Variants in SPICE1 observed in about 807,000 individuals in gnomAD.
SPICE1 encodes spindle and centriole associated protein 1, also known as spindle and centriole-associated protein 1.
Under a neutral mutation model 102.7 loss-of-function variants are expected in SPICE1, and 75 were observed. The observed-to-expected ratio is 0.73, with a 90% CI of 0.61 to 0.88. The LOEUF is 0.88. SPICE1 is among the 40% of genes least tolerant of loss of function. The pLI is 0.00. For synonymous variants in SPICE1, 308 were observed against 350.3 expected (o/e 0.88, Z 1.35); for missense variants, 979 against 1,020.1 (o/e 0.96, Z 0.55).
At chr3:113,482,878 G>C (rs1479673681) in intron 7 of SPICE1, among the ~76,000 whole-genome samples, 1 of 152,128 alleles carries the variant, frequency 6.6e-6, no homozygotes, top group Non-Finnish European at 1.5e-5. Context: ...GGATTGTCTT[G>C]GCTATGCAGG....
At chr3:113,457,754 G>C (rs752334056) in intron 12 of SPICE1, among the ~76,000 whole-genome samples, 12 of 152,050 alleles carry the variant, frequency 7.9e-5, no homozygotes, top group Non-Finnish European at 1.5e-4. Context: ...GACCTCCCAG[G>C]CTCCAGTGAT....
chr3:113,497,682 TAGAG>T (rs71134894), intron 4 of SPICE1, among the ~76,000 whole-genome samples: 38 of 136,328 alleles, frequency 2.8e-4, no homozygotes, highest in Non-Finnish European at 3.7e-4. Context: ...CATACATACA[TAGAG>T]AGAGAGAGAG....
intron 2 of SPICE1, among the ~76,000 whole-genome samples, chr3:113,505,175 A>G (rs1279725941): frequency 9.9e-5 from 15 of 152,142 alleles, no homozygotes; most frequent in Non-Finnish European, 1.0e-4. Context: ...GTGGAACCCC[A>G]GGATACAGCC....
chr3:113,483,543 G>T (rs116528634), intron 7 of SPICE1, among the ~76,000 whole-genome samples: 4,426 of 152,154 alleles, frequency 0.029, 114 homozygotes, highest in East Asian at 0.1. Flanking sequence ...ATTATTTTGA[G>T]ATATGTTCCA....
rs77899801 is a variant in SPICE1, at chr3:113,470,212, T to C, written c.612-974A>G. ...CAAAGAGATAAATGGTGGGAAAAACTTTAAGCAAAAGGAACCAGGACTTGA... is the reference window on the plus strand; with the variant it reads ...CAAAGAGATAAATGGTGGGAAAAACCTTAAGCAAAAGGAACCAGGACTTGA... On this transcript the variant is annotated intron_variant, in intron 7 of 17. Coordinates refer to ENST00000295872, the MANE Select transcript of SPICE1 (RefSeq NM_144718.4). 4.5e-3 allele frequency among the ~76,000 whole-genome samples: 688 copies of C among 152,336 alleles called. 3 individuals are homozygous for C. The highest frequency in any genetic ancestry group is 0.016 in the African/African-American group (650 of 41,580).
intron 10 of SPICE1, among the ~76,000 whole-genome samples, chr3:113,466,887 A>G (rs1449745102): frequency 6.6e-6 from 1 of 152,158 alleles, no homozygotes; most frequent in Non-Finnish European, 1.5e-5. Flanking sequence ...TCTCTACAAA[A>G]AAAATACAAA....
At chr3:113,448,663 A>G (rs1413937940) in intron 15 of SPICE1, among the ~76,000 whole-genome samples, 1 of 152,166 alleles carries the variant, frequency 6.6e-6, no homozygotes, top group African/African-American at 2.4e-5. Context: ...AGAAGTAGGT[A>G]ATCAATCAGC....
At chr3:113,477,055 C>T (rs1338232883) in intron 7 of SPICE1, among the ~76,000 whole-genome samples, 6 of 151,710 alleles carry the variant, frequency 4.0e-5, no homozygotes, top group Admixed American at 3.9e-4. Flanking sequence ...GGCTAATATC[C>T]AGAATCTACA....
At chr3:113,483,805 C>T (rs149369314) in intron 7 of SPICE1, among the ~76,000 whole-genome samples, 2 of 152,032 alleles carry the variant, frequency 1.3e-5, no homozygotes, top group African/African-American at 4.8e-5. Flanking sequence ...ATTTTTGCAT[C>T]GATGTTCATC....
intron 7 of SPICE1, among the ~76,000 whole-genome samples, chr3:113,480,579 C>A (rs1936467407): frequency 6.6e-6 from 1 of 151,912 alleles, no homozygotes; most frequent in South Asian, 2.1e-4. Flanking sequence ...ACATAATGTA[C>A]CATATTAAGA....
intron 6 of SPICE1, among the ~76,000 whole-genome samples, chr3:113,491,035 C>T (rs1576642848): frequency 6.6e-6 from 1 of 152,190 alleles, no homozygotes. Flanking sequence ...CTCATCATGA[C>T]TCCACTCTTT....
intron 2 of SPICE1, among the ~76,000 whole-genome samples, chr3:113,506,084 T>G (rs188718165): frequency 2.3e-4 from 35 of 152,242 alleles, no homozygotes; most frequent in Admixed American, 2.6e-4. Flanking sequence ...GTCACCTATT[T>G]TTTTCAGCCA....
intron 7 of SPICE1, among the ~76,000 whole-genome samples, chr3:113,486,667 A>G (rs187269017): frequency 6.6e-6 from 1 of 151,960 alleles, no homozygotes; most frequent in East Asian, 1.9e-4. Context: ...AAGTGGTAAA[A>G]GCAAATATAA....
chr3:113,498,813 T>A, intron 4 of SPICE1: 1 of 152,158 alleles, frequency 6.6e-6, no homozygotes, highest in East Asian at 1.9e-4. Flanking sequence ...TTTAAAAAGG[T>A]TATTTGCTGT....
chr3:113,486,093 A>T (rs1220343308), intron 7 of SPICE1, among the ~76,000 whole-genome samples: 1 of 151,944 alleles, frequency 6.6e-6, no homozygotes, highest in African/African-American at 2.4e-5. Context: ...CCTGGGCAAC[A>T]GAATGAGACT....
chr3:113,454,360 A>G (rs1935731300), intron 13 of SPICE1, among the ~76,000 whole-genome samples: 2 of 152,218 alleles, frequency 1.3e-5, no homozygotes, highest in African/African-American at 4.8e-5. Flanking sequence ...AGGACATTAC[A>G]GGCAGAAAAT....
intron 16 of SPICE1, 118 bp downstream of exon 16, chr3:113,447,920 G>A: frequency 1.2e-6 from 1 of 802,840 alleles, no homozygotes; most frequent in Non-Finnish European, 1.8e-6. Flanking sequence ...CTCTTTGCAT[G>A]AGTCTGTCTC....
rs1184391831 is a variant in SPICE1, at chr3:113,446,687, AAAAT to A, written c.2427-15_2427-12del. On this transcript the variant is annotated splice_polypyrimidine_tract_variant and intron_variant, in intron 16 of 17. Coordinates refer to ENST00000295872, the MANE Select transcript of SPICE1 (RefSeq NM_144718.4). Reference sequence around the variant, plus strand: ...GTAGCCCCGGAAGATCTATTCATGAAAAATAAAACAGAGTAAGAGAGTGAGCTAT... The same window carrying A: ...GTAGCCCCGGAAGATCTATTCATGAAAAAACAGAGTAAGAGAGTGAGCTAT... 2 of 1,599,722 alleles carry A rather than the reference AAAAT, an allele frequency of 1.3e-6. No homozygotes were observed. The highest frequency in any genetic ancestry group is 1.7e-6 in the Non-Finnish European group (2 of 1,167,986).
chr3:113,488,846 A>G, intron 7 of SPICE1, 99 bp downstream of exon 7: 1 of 684,770 alleles, frequency 1.5e-6, no homozygotes, highest in Non-Finnish European at 2.5e-6. Flanking sequence ...TTAAATAAAA[A>G]TAAACTCCCA....
Sources: allele counts gnomAD v4.1 joint callset (sites outside exome capture counted in the v4.1 genomes callset), GRCh38; gene constraint gnomAD v4.1.1; transcripts MANE v1.5; gene names NCBI Gene and HGNC (gene_info 2026-07-23, HGNC 2026-07-21).